The following SYCP1 variants were observed in gnomAD, a reference collection of about 807,000 sequenced individuals.
The protein encoded by SYCP1 is synaptonemal complex protein 1.
Under a neutral mutation model 153.1 loss-of-function variants are expected in SYCP1, and 64 were observed. The observed-to-expected ratio is 0.42, with a 90% CI of 0.34 to 0.51. SYCP1 has a LOEUF of 0.51. Among genes scored for constraint, SYCP1 ranks in the 20% least tolerant of loss-of-function variants. The pLI is 0.06. For synonymous variants in SYCP1, 384 were observed against 341.8 expected, an observed-to-expected ratio of 1.12 and a Z score of -1.36; for missense variants, 997 against 1,049.0, an observed-to-expected ratio of 0.95 and a Z score of 0.68.
At chr1:114,971,227 G>C (rs1482996700) in intron 27 of SYCP1, among the ~76,000 whole-genome samples, 1 of 152,168 alleles carries the variant, frequency 6.6e-6, no homozygotes, top group East Asian at 1.9e-4. Context: ...CATCAGGTGG[G>C]GGCAGGGTTA....
chr1:114,854,730 C>T (rs1663813542), upstream of SYCP1: 1 of 152,190 alleles, frequency 6.6e-6, no homozygotes, highest in African/African-American at 2.4e-5. Flanking sequence ...TAAAGAACTT[C>T]CACTCCAAGG....
At chr1:114,871,710 T>A (rs1007449604) in intron 8 of SYCP1, among the ~76,000 whole-genome samples, 10 of 149,848 alleles carry the variant, frequency 6.7e-5, no homozygotes, top group African/African-American at 2.2e-4. Context: ...GTAGCTGGTA[T>A]TACAGGCGTG....
chr1:114,954,580 T>C lies in SYCP1; in HGVS notation c.2322+7260T>C, dbSNP rs1671318888. ...ATTTATTTATTTATTTATTTATTTATTTTTTATTTATTTATTTTTGAGACG... is the reference window on the plus strand; with the variant it reads ...ATTTATTTATTTATTTATTTATTTACTTTTTATTTATTTATTTTTGAGACG... On this transcript the variant is annotated intron_variant, in intron 27 of 31. Coordinates refer to ENST00000369522, the MANE Select transcript of SYCP1 (RefSeq NM_003176.4). 7.5e-5 allele frequency among the ~76,000 whole-genome samples: 11 copies of C among 147,154 alleles called. No homozygotes were observed. The South Asian group carries it at 2.3e-3, about 31-fold the overall frequency.
chr1:114,975,485 G>T (rs1426984470), intron 27 of SYCP1, among the ~76,000 whole-genome samples: 1 of 151,284 alleles, frequency 6.6e-6, no homozygotes, highest in Non-Finnish European at 1.5e-5. Context: ...TACAATTTTA[G>T]TATTTATTAT....
At chr1:114,859,108 G>A (rs528568773) in intron 6 of SYCP1, among the ~76,000 whole-genome samples, 113 of 152,034 alleles carry the variant, frequency 7.4e-4, no homozygotes, top group African/African-American at 2.7e-3. Flanking sequence ...ATTTTTGTGA[G>A]ACATAGTCTT....
intron 8 of SYCP1, among the ~76,000 whole-genome samples, chr1:114,871,278 G>A (rs551364195): frequency 1.2e-3 from 179 of 150,504 alleles, no homozygotes; most frequent in Non-Finnish European, 2.0e-3. Flanking sequence ...AGTGATTCTC[G>A]TGCTTCAGCC....
At chr1:114,891,848 G>C (rs1195730856) in intron 15 of SYCP1, among the ~76,000 whole-genome samples, 1 of 152,068 alleles carries the variant, frequency 6.6e-6, no homozygotes, top group Non-Finnish European at 1.5e-5. Context: ...TAACAGACAT[G>C]GTATTTGTTC....
At chr1:114,990,471 A>G (rs983239543) in intron 30 of SYCP1, among the ~76,000 whole-genome samples, 3 of 151,936 alleles carry the variant, frequency 2.0e-5, no homozygotes, top group African/African-American at 7.2e-5. Context: ...TAGTAGATTG[A>G]GGGAAATAAT....
chr1:114,903,614 C>T (rs529471110), intron 16 of SYCP1, among the ~76,000 whole-genome samples: 1 of 152,168 alleles, frequency 6.6e-6, no homozygotes, highest in African/African-American at 2.4e-5. Flanking sequence ...TGTATTTATC[C>T]TAAGAGGGAT....
chr1:114,886,399 C>A, intron 14 of SYCP1, 90 bp downstream of exon 14: 1 of 1,130,102 alleles, frequency 8.8e-7, no homozygotes, highest in African/African-American at 1.6e-5. Context: ...GCATTGCCAA[C>A]TGATGTGTGT....
intron 8 of SYCP1, among the ~76,000 whole-genome samples, chr1:114,871,843 C>T (rs1370494925): frequency 6.6e-6 from 1 of 152,200 alleles, no homozygotes; most frequent in Non-Finnish European, 1.5e-5. Flanking sequence ...GCCTTGGCCT[C>T]CCAAAGTGCT....
At chr1:114,895,342 C>A in intron 15 of SYCP1, 106 bp from the exon 16 acceptor site, 1 of 565,252 alleles carries the variant, frequency 1.8e-6, no homozygotes, top group Non-Finnish European at 2.9e-6. Context: ...TTGCATTTGT[C>A]TCTCCTGATT....
At chr1:114,879,270 T>C (rs1665751278) in intron 12 of SYCP1, among the ~76,000 whole-genome samples, 1 of 152,222 alleles carries the variant, frequency 6.6e-6, no homozygotes, top group Admixed American at 6.5e-5. Context: ...ATGGCATTTG[T>C]TGTTTTTCTA....
At position 114,885,613 on chromosome 1, in the gene SYCP1, C is replaced by T. The variant is rs1427841221; in HGVS notation, c.989C>T (p.Ser330Leu). ...AAAGAACTAGAAGATATTAAAGTGT[C>T]ATTACAAAGAAGTGTGGTATGATTT... ...LTKELEDIKV[S>L]LQRSVSTQKA... Residue 330 changes from serine (S) to leucine (L), a missense_variant, in exon 13 of 32, where the codon TCA becomes TTA. Around this residue, in one of 2 missense-constraint regions of SYCP1, gnomAD observed 285 missense variants for 366.1 expected, o/e 0.78. Transcript: ENST00000369522. 6.4e-7 allele frequency: 1 copy of T among 1,572,942 alleles called. No individual in the cohort carries two copies. Among genetic ancestry groups the T allele is most frequent in the African/African-American group, 1.4e-5 (1 of 72,892 alleles).
intron 23 of SYCP1, among the ~76,000 whole-genome samples, chr1:114,929,330 AT>A (rs1242321142): frequency 1.1e-4 from 16 of 152,160 alleles, no homozygotes; most frequent in Admixed American, 1.0e-3. Flanking sequence ...AAATAACATA[AT>A]GATCTGAACT....
intron 27 of SYCP1, among the ~76,000 whole-genome samples, chr1:114,977,345 A>T (rs1187005188): frequency 6.6e-6 from 1 of 151,800 alleles, no homozygotes; most frequent in East Asian, 1.9e-4. Context: ...TATACACTAG[A>T]GACTGATTAG....
intron 8 of SYCP1, among the ~76,000 whole-genome samples, chr1:114,870,818 A>C (rs191751736): frequency 6.6e-6 from 1 of 152,306 alleles, no homozygotes; most frequent in Admixed American, 6.5e-5. Context: ...ATCCACTCTG[A>C]CAATCTCTTA....
chr1:114,947,274 A>C lies in SYCP1; in HGVS notation c.2276A>C (p.Glu759Ala), dbSNP rs1037022355. Reference sequence around the variant, plus strand: ...ATTGAACTATCCAATCTCAAAGCTGAACTTTTGTCTGTTAAGAAGCAACTT... The same window carrying C: ...ATTGAACTATCCAATCTCAAAGCTGCACTTTTGTCTGTTAAGAAGCAACTT... ...LEIELSNLKA[E>A]LLSVKKQLEI... The change falls in exon 27 of 32, where the codon GAA (glutamate) becomes GCA (alanine). Residue 759 changes from glutamate to alanine, a missense_variant. By Grantham distance (107) the Glu-to-Ala change is moderately radical. Transcript: ENST00000369522. 9 of 1,612,984 alleles carry C rather than the reference A, an allele frequency of 5.6e-6. No individual in the cohort carries two copies. Among genetic ancestry groups the C allele is most frequent in the Non-Finnish European group, 5.9e-6 (7 of 1,179,628 alleles).
intron 23 of SYCP1, among the ~76,000 whole-genome samples, chr1:114,938,548 TA>T (rs990130233): frequency 2.0e-4 from 31 of 151,250 alleles, no homozygotes; most frequent in African/African-American, 7.3e-4. Flanking sequence ...AAAGTATAAT[TA>T]AAAAAATAAA....
Sources: gnomAD v4.1 joint callset for allele counts (sites outside exome capture counted in the v4.1 genomes callset) on GRCh38, gnomAD v4.1.1 for gene constraint, gnomAD v4.1.1 regional missense constraint, MANE v1.5 for transcripts, NCBI Gene and HGNC (gene_info 2026-07-23, HGNC 2026-07-21) for gene names.